The following IL6ST variants were observed in gnomAD, a reference collection of about 807,000 sequenced individuals.
The protein encoded by IL6ST is interleukin-6 receptor subunit beta.
In IL6ST, 24 loss-of-function variants were observed where a neutral mutation model predicts 91.3. The ratio of observed to expected loss-of-function variants is 0.26; its 90% confidence interval spans 0.19 to 0.37. IL6ST has a LOEUF of 0.37. Ranked by LOEUF, IL6ST falls within the 10% of genes least tolerant of loss-of-function variation. IL6ST has a pLI of 1.00. For synonymous variants in IL6ST, 351 were observed against 373.6 expected (o/e 0.94, Z 0.70); for missense variants, 914 against 1,078.5 (o/e 0.85, Z 2.14).
At chr5:55,972,281 G>A (rs373946244) in intron 3 of IL6ST, among the ~76,000 whole-genome samples, 2 of 152,162 alleles carry the variant, frequency 1.3e-5, no homozygotes, top group South Asian at 4.1e-4. Flanking sequence ...GGGAGGCCGA[G>A]GTGGGTGGAT....
intron 14 of IL6ST, among the ~76,000 whole-genome samples, chr5:55,951,169 G>A (rs1186316046): frequency 6.6e-6 from 1 of 151,594 alleles, no homozygotes; most frequent in Non-Finnish European, 1.5e-5. Context: ...AAGAAATGAG[G>A]ATAGAGAAGG....
At chr5:55,988,697 C>T (rs1189877315) in intron 1 of IL6ST, among the ~76,000 whole-genome samples, 1 of 146,990 alleles carries the variant, frequency 6.8e-6, no homozygotes, top group Admixed American at 6.9e-5. Flanking sequence ...ACCCAGTAGG[C>T]GGAGGTTGCA....
At chr5:55,947,311 C>A (rs1751326897) in intron 15 of IL6ST, among the ~76,000 whole-genome samples, 182 bp downstream of exon 15, 1 of 152,016 alleles carries the variant, frequency 6.6e-6, no homozygotes, top group African/African-American at 2.4e-5. Flanking sequence ...CAAAGGAGAA[C>A]AAGGAAGCTT....
At chr5:55,944,220 G>C (rs937598666) in intron 15 of IL6ST, among the ~76,000 whole-genome samples, 1 of 152,112 alleles carries the variant, frequency 6.6e-6, no homozygotes, top group Non-Finnish European at 1.5e-5. Flanking sequence ...ATGTACTAGA[G>C]GTCTTAGCCA....
chr5:55,941,892 C>G, intron 16 of IL6ST, 73 bp from the exon 17 acceptor site: 1 of 1,273,786 alleles, frequency 7.9e-7, no homozygotes, highest in Non-Finnish European at 1.1e-6. Flanking sequence ...CTGAAACTTC[C>G]CAGTAACTCT....
chr5:55,965,108 TGAGTATGTA>T, intron 5 of IL6ST, among the ~76,000 whole-genome samples: 1 of 152,286 alleles, frequency 6.6e-6, no homozygotes, highest in African/African-American at 2.4e-5. Flanking sequence ...ACTTGTGTAC[TGAGTATGTA>T]GTATAACCAC....
chr5:55,969,172 G>A (rs936352478), intron 4 of IL6ST, among the ~76,000 whole-genome samples: 5 of 147,528 alleles, frequency 3.4e-5, no homozygotes, highest in African/African-American at 1.0e-4. Flanking sequence ...GGGTGACAGA[G>A]CGAGACTCTG....
At chr5:55,984,787 C>T (rs1753861406) in intron 1 of IL6ST, among the ~76,000 whole-genome samples, 1 of 150,918 alleles carries the variant, frequency 6.6e-6, no homozygotes, top group Non-Finnish European at 1.5e-5. Flanking sequence ...ACAACACAAA[C>T]TGAAAAAAAA....
chr5:55,954,717 G>T (rs750140127), intron 11 of IL6ST, 93 bp downstream of exon 11: 4 of 900,874 alleles, frequency 4.4e-6, no homozygotes, highest in Non-Finnish European at 6.7e-6. Context: ...ATTGGAAGTC[G>T]TTTCAACGGA....
chr5:55,974,677 G>T (rs1241840997), intron 3 of IL6ST, among the ~76,000 whole-genome samples: 1 of 152,016 alleles, frequency 6.6e-6, no homozygotes, highest in African/African-American at 2.4e-5. Context: ...GTAGATACGG[G>T]GTTTTACCAT....
intron 15 of IL6ST, among the ~76,000 whole-genome samples, chr5:55,943,440 G>A (rs1163406210): frequency 6.6e-6 from 1 of 152,146 alleles, no homozygotes; most frequent in Non-Finnish European, 1.5e-5. Flanking sequence ...AACAGAGGAG[G>A]TAACATGTTC....
chr5:55,945,039 T>TAAAAA (rs1751155987), intron 15 of IL6ST, among the ~76,000 whole-genome samples: 2 of 67,802 alleles, frequency 2.9e-5, no homozygotes, highest in African/African-American at 1.1e-4. Flanking sequence ...AGGAATTAAA[T>TAAAAA]CAAAAAAAAA....
At position 55,994,921 on chromosome 5, in the gene IL6ST, G is replaced by A. The variant is rs1177645926; in HGVS notation, c.-241C>T. 1 of 152,206 alleles carries A rather than the reference G, an allele frequency of 6.6e-6. No individual in the cohort carries two copies. Among genetic ancestry groups the A allele is most frequent in the Non-Finnish European group, 1.5e-5 (1 of 68,084 alleles). 9.4% of individuals were successfully genotyped at this position (152,206 alleles called of 1,614,324 possible). A position where few individuals can be genotyped will look rare whatever the true frequency, so the allele number is the denominator to read the frequency against. On this transcript the variant is annotated 5_prime_UTR_variant, in exon 1 of 17. Coordinates refer to ENST00000381298, the MANE Select transcript of IL6ST (RefSeq NM_002184.4). Reference sequence around the variant, plus strand: ...GGGGCGGCCCAGCGCGACTCCGCGGGCCTTTTGGCTGCTCGCCCCGGCTCC... The same window carrying A: ...GGGGCGGCCCAGCGCGACTCCGCGGACCTTTTGGCTGCTCGCCCCGGCTCC...
At chr5:55,957,839 T>C (rs1469544232) in intron 8 of IL6ST, among the ~76,000 whole-genome samples, 1 of 152,064 alleles carries the variant, frequency 6.6e-6, no homozygotes, top group African/African-American at 2.4e-5. Context: ...AAAAAACTTT[T>C]TAAAATAAAG....
At chr5:55,961,566 T>C (rs562102905) in intron 7 of IL6ST, among the ~76,000 whole-genome samples, 94 of 152,186 alleles carry the variant, frequency 6.2e-4, no homozygotes, top group African/African-American at 2.2e-3. Context: ...GAGACCAACC[T>C]GGCCAACATG....
intron 14 of IL6ST, chr5:55,950,173 A>C (rs4865999): frequency 2.0e-6 from 1 of 493,134 alleles, no homozygotes; most frequent in East Asian, 5.8e-5. Flanking sequence ...CGAGGGAGGG[A>C]AAATGTATTT....
chr5:55,993,122 G>A (rs1754425505), intron 1 of IL6ST, among the ~76,000 whole-genome samples: 1 of 152,158 alleles, frequency 6.6e-6, no homozygotes, highest in Admixed American at 6.6e-5. Context: ...AATGTATTAG[G>A]GCCAGAGAAT....
chr5:55,992,259 T>C (rs1754376076), intron 1 of IL6ST, among the ~76,000 whole-genome samples: 1 of 152,194 alleles, frequency 6.6e-6, no homozygotes, highest in African/African-American at 2.4e-5. Flanking sequence ...TGGTGGACAA[T>C]TAAGGGTGGG....
chr5:55,964,320 C>A lies in IL6ST; in HGVS notation c.492-8G>T. 1.3e-6 allele frequency: 2 copies of A among 1,590,106 alleles called. No individual in the cohort carries two copies. Among genetic ancestry groups the A allele is most frequent in the African/African-American group, 1.4e-5 (1 of 73,610 alleles). On this transcript the variant is annotated splice_polypyrimidine_tract_variant and splice_region_variant and intron_variant, in intron 5 of 16. Transcript: ENST00000381298. Reference sequence around the variant, plus strand: ...GCAAACTTGTGTGTTGCCCTAAATACAAAAAATTGAAGAATCAGTCATTAA... The same window carrying A: ...GCAAACTTGTGTGTTGCCCTAAATAAAAAAAATTGAAGAATCAGTCATTAA...
Sources: gnomAD v4.1 joint callset for allele counts (sites outside exome capture counted in the v4.1 genomes callset) on GRCh38, gnomAD v4.1.1 for gene constraint, MANE v1.5 for transcripts, NCBI Gene and HGNC (gene_info 2026-07-23, HGNC 2026-07-21) for gene names.